Variants in THSD7A observed in about 807,000 individuals in gnomAD.
The protein encoded by THSD7A is thrombospondin type 1 domain containing 7A.
A neutral mutation model predicts 231.3 loss-of-function variants in THSD7A; 96 were observed. The observed-to-expected ratio is 0.41, with a 90% CI of 0.35 to 0.49. The LOEUF (loss-of-function observed/expected upper bound fraction) is 0.49, where lower values mean the gene tolerates loss of function less well. THSD7A is among the 20% of genes least tolerant of loss of function. The probability of loss-of-function intolerance (pLI) is 0.05; values close to 1 mark genes in which losing one functional copy is unlikely to be tolerated. For synonymous variants in THSD7A, 940 were observed against 743.3 expected, an observed-to-expected ratio of 1.26 and a Z score of -4.30; for missense variants, 2,290 against 2,070.2, an observed-to-expected ratio of 1.11 and a Z score of -2.06.
intron 2 of THSD7A, among the ~76,000 whole-genome samples, chr7:11,601,897 T>A (rs971959902): frequency 6.6e-6 from 1 of 152,230 alleles, no homozygotes; most frequent in East Asian, 1.9e-4. Flanking sequence ...TTGGCAAAGT[T>A]CACACAGAGT....
chr7:11,673,080 G>A (rs940130357), intron 1 of THSD7A, among the ~76,000 whole-genome samples: 3 of 152,138 alleles, frequency 2.0e-5, no homozygotes. Context: ...TCATTTGAGA[G>A]AAAACACAGA....
chr7:11,500,169 C>T (rs1431799597), intron 6 of THSD7A, among the ~76,000 whole-genome samples: 1 of 152,134 alleles, frequency 6.6e-6, no homozygotes, highest in African/African-American at 2.4e-5. Context: ...CTATATTCAA[C>T]ATTCTTAAAG....
intron 2 of THSD7A, among the ~76,000 whole-genome samples, chr7:11,614,603 TA>T (rs1266286607): frequency 6.6e-6 from 1 of 152,236 alleles, no homozygotes; most frequent in African/African-American, 2.4e-5. Context: ...AGCTGAAAGC[TA>T]AAGAAAAATT....
At chr7:11,648,635 G>GTCGTGTGTGTGTGTGTGTGT (rs370453842) in intron 1 of THSD7A, among the ~76,000 whole-genome samples, 1 of 62,014 alleles carries the variant, frequency 1.6e-5, no homozygotes, top group Non-Finnish European at 3.9e-5. Flanking sequence ...TCTATTTTGT[G>GTCGTGTGTGTGTGTGTGTGT]GCGTGTGTGT....
intron 1 of THSD7A, among the ~76,000 whole-genome samples, chr7:11,777,233 C>T (rs1213902807): frequency 1.3e-5 from 2 of 151,954 alleles, no homozygotes; most frequent in African/African-American, 4.8e-5. Context: ...TGCCATTTGA[C>T]AACATTTTCA....
At position 11,693,159 on chromosome 7, in the gene THSD7A, G is replaced by C. The variant is rs541263282; in HGVS notation, c.191-56198C>G. Among the ~76,000 whole-genome samples, 9 of 151,328 alleles carry C rather than the reference G, an allele frequency of 5.9e-5. No individual in the cohort carries two copies. In the East Asian group the frequency reaches 1.8e-3, roughly 30 times the overall value. ...AACACCTTAAAGAGAATTTAAAGTA[G>C]GAAAAAAATAGTAGAATTGCATTTT... is the stretch of plus-strand genomic sequence containing the variant. On this transcript the variant is annotated intron_variant, in intron 1 of 27. Transcript: ENST00000423059.
intron 1 of THSD7A, among the ~76,000 whole-genome samples, chr7:11,703,847 A>T (rs1294305633): frequency 6.6e-6 from 1 of 151,192 alleles, no homozygotes; most frequent in Non-Finnish European, 1.5e-5. Context: ...GAGCAAAGCT[A>T]GAAGATCAGA....
At chr7:11,647,560 T>A (rs1406539738) in intron 1 of THSD7A, among the ~76,000 whole-genome samples, 1 of 152,098 alleles carries the variant, frequency 6.6e-6, no homozygotes, top group Non-Finnish European at 1.5e-5. Context: ...TTCATTGTCA[T>A]TGCTGCTTGT....
chr7:11,658,640 TCTTTA>T, intron 1 of THSD7A, among the ~76,000 whole-genome samples: 1 of 151,832 alleles, frequency 6.6e-6, no homozygotes, highest in East Asian at 2.0e-4. Context: ...CCTAGGGGAC[TCTTTA>T]CTTATATTTC....
At chr7:11,448,361 G>T (rs1195716069) in intron 11 of THSD7A, among the ~76,000 whole-genome samples, 1 of 152,194 alleles carries the variant, frequency 6.6e-6, no homozygotes. Flanking sequence ...CTTTCCATTG[G>T]TTTTAAAAAC....
intron 11 of THSD7A, among the ~76,000 whole-genome samples, chr7:11,458,419 G>C (rs1785383308): frequency 6.6e-6 from 1 of 151,998 alleles, no homozygotes; most frequent in South Asian, 2.1e-4. Context: ...ATCTACTCAG[G>C]AAACAAAGAA....
chr7:11,680,644 C>T (rs1035779703), intron 1 of THSD7A, among the ~76,000 whole-genome samples: 2 of 152,132 alleles, frequency 1.3e-5, no homozygotes, highest in Non-Finnish European at 2.9e-5. Context: ...ATCAAAATCA[C>T]AATGAGATAC....
chr7:11,616,671 T>C (rs528443529), intron 2 of THSD7A, among the ~76,000 whole-genome samples: 2 of 152,288 alleles, frequency 1.3e-5, no homozygotes, highest in East Asian at 3.9e-4. Context: ...TGTTCTCACG[T>C]TGCCCAGCCC....
chr7:11,609,983 T>G (rs1050958684), intron 2 of THSD7A, among the ~76,000 whole-genome samples: 2 of 152,158 alleles, frequency 1.3e-5, no homozygotes, highest in Non-Finnish European at 2.9e-5. Flanking sequence ...TTTTCCATTT[T>G]ATAACATGGT....
chr7:11,441,422 C>T (rs143810641), intron 13 of THSD7A, among the ~76,000 whole-genome samples: 54 of 151,900 alleles, frequency 3.6e-4, no homozygotes, highest in Admixed American at 4.6e-4. Context: ...GCTGGGCTAC[C>T]TCTAAGATTG....
At chr7:11,594,270 C>T (rs941293652) in intron 2 of THSD7A, among the ~76,000 whole-genome samples, 34 of 152,118 alleles carry the variant, frequency 2.2e-4, no homozygotes, top group African/African-American at 6.8e-4. Flanking sequence ...TGAGATAATA[C>T]TTAATAACTA....
intron 4 of THSD7A, among the ~76,000 whole-genome samples, chr7:11,573,670 T>G (rs1302729863): frequency 1.3e-5 from 2 of 152,238 alleles, no homozygotes; most frequent in South Asian, 4.1e-4. Flanking sequence ...TTTCTGATTA[T>G]TTTAATTATT....
intron 2 of THSD7A, among the ~76,000 whole-genome samples, chr7:11,607,983 A>T (rs1780790670): frequency 6.6e-6 from 1 of 152,078 alleles, no homozygotes; most frequent in Non-Finnish European, 1.5e-5. Flanking sequence ...CTGCTACGGT[A>T]ATGAGGCCTC....
At chr7:11,682,849 T>C (rs1783919264) in intron 1 of THSD7A, among the ~76,000 whole-genome samples, 1 of 151,902 alleles carries the variant, frequency 6.6e-6, no homozygotes, top group South Asian at 2.1e-4. Context: ...TTGATCACGT[T>C]TGGTCACAAA....
Sources: allele counts gnomAD v4.1 joint callset (sites outside exome capture counted in the v4.1 genomes callset), GRCh38; gene constraint gnomAD v4.1.1; transcripts MANE v1.5; gene names NCBI Gene and HGNC (gene_info 2026-07-23, HGNC 2026-07-21).